The following ANTXR2 variants were observed in gnomAD, a reference collection of about 807,000 sequenced individuals.
The protein encoded by ANTXR2 is ANTXR cell adhesion molecule 2.
ANTXR2 carries 44 observed loss-of-function variants against 73.7 expected under a neutral mutation model. The observed-to-expected ratio is 0.60, with a 90% CI of 0.47 to 0.77. The LOEUF is 0.77. Ranked by LOEUF, ANTXR2 falls within the 30% of genes least tolerant of loss-of-function variation. The pLI is 0.00. For synonymous variants in ANTXR2, 217 were observed against 205.9 expected (o/e 1.05, Z -0.46); for missense variants, 604 against 592.5 (o/e 1.02, Z -0.20).
chr4:80,046,308 T>A (rs371917661), intron 7 of ANTXR2, among the ~76,000 whole-genome samples: 1 of 151,704 alleles, frequency 6.6e-6, no homozygotes, highest in Non-Finnish European at 1.5e-5. Flanking sequence ...TAGAAAAAAT[T>A]CCAAAAATGC....
chr4:79,907,312 G>T lies in ANTXR2; in HGVS notation c.*117C>A. 2 of 1,087,618 alleles carry T rather than the reference G, an allele frequency of 1.8e-6. No homozygotes were observed. The highest frequency in any genetic ancestry group is 1.4e-6 in the Non-Finnish European group (1 of 720,316). The allele number at this position is 1,087,618 out of a possible 1,614,324, so 67.4% of individuals were successfully genotyped here. A position where few individuals can be genotyped will look rare whatever the true frequency, so the allele number is the denominator to read the frequency against. On this transcript the variant is annotated 3_prime_UTR_variant, in exon 17 of 17. Transcript: ENST00000403729. The stretch of plus-strand genomic sequence containing the variant: ...AGAGAAAACATTTCCCGACTGAGAG[G>T]AATTAAGCTGCTCTTCCAAAAGCTT...
rs140557922 is a variant in ANTXR2 at position 80,060,737 on chromosome 4, G to A, written c.297-4724C>T. On this transcript the variant is annotated intron_variant, in intron 3 of 16. Transcript: ENST00000403729. ...GTTTTATCATAGGTATGTATGTATAGAAAAAAATAGTATATATAGGGTTTG... is the reference window on the plus strand; with the variant it reads ...GTTTTATCATAGGTATGTATGTATAAAAAAAAATAGTATATATAGGGTTTG... Among the ~76,000 whole-genome samples the A allele has an allele frequency of 5.8e-3, 876 of 152,202 alleles. 8 individuals carry two copies. The highest frequency in any genetic ancestry group is 0.02 in the African/African-American group (817 of 41,530).
At chr4:79,987,144 T>C (rs62298612) in intron 12 of ANTXR2, among the ~76,000 whole-genome samples, 15,032 of 152,042 alleles carry the variant, frequency 0.099, 1,867 homozygotes, top group East Asian at 0.66. Context: ...ATGAAATGTC[T>C]GAAATGACAG....
intron 3 of ANTXR2, among the ~76,000 whole-genome samples, chr4:80,063,435 T>C (rs969625509): frequency 3.6e-5 from 1 of 27,668 alleles, no homozygotes; most frequent in South Asian, 6.7e-4. Context: ...ATTTCAGCAT[T>C]TTTTTTTATA....
chr4:80,037,614 T>C (rs1005899618), intron 7 of ANTXR2, among the ~76,000 whole-genome samples: 13 of 152,132 alleles, frequency 8.5e-5, no homozygotes, highest in African/African-American at 3.1e-4. Flanking sequence ...TCTGCTACTT[T>C]ATCTACAATA....
chr4:79,990,383 C>CAAAAAAA (rs70944757), intron 12 of ANTXR2, among the ~76,000 whole-genome samples: 3,428 of 76,560 alleles, frequency 0.045, 270 homozygotes, highest in Middle Eastern at 0.071. Flanking sequence ...ACAACAGTTA[C>CAAAAAAA]AAAAAAAAAA....
In ANTXR2 at chr4:80,067,890, T is replaced by G. The variant is rs915625418; in HGVS notation, c.296+1546A>C. On this transcript the variant is annotated intron_variant, in intron 3 of 16. Transcript: ENST00000403729. ...AGCATCAGGATAGATAGCTAATGCATGTGATGGGTTGATAGATGCAGCAAA... is the reference window on the plus strand; with the variant it reads ...AGCATCAGGATAGATAGCTAATGCAGGTGATGGGTTGATAGATGCAGCAAA... 2.6e-5 allele frequency among the ~76,000 whole-genome samples: 4 copies of G among 152,308 alleles called. No homozygotes were observed. The East Asian group carries it at 5.8e-4, about 22-fold the overall frequency.
chr4:79,903,367 TCTCTCA>T lies in ANTXR2; in HGVS notation c.*4056_*4061del, dbSNP rs1166827707. The T allele has an allele frequency of 4.0e-5, 6 of 151,856 alleles. No individual in the cohort carries two copies. Among genetic ancestry groups the T allele is most frequent in the South Asian group, 4.2e-4 (2 of 4,796 alleles). 9.4% of individuals were successfully genotyped at this position (151,856 alleles called of 1,614,324 possible). On this transcript the variant is annotated 3_prime_UTR_variant, in exon 17 of 17. Coordinates refer to ENST00000403729, the MANE Select transcript of ANTXR2 (RefSeq NM_058172.6). ...CCCTCTGTTTCTCTCTCTCTCTCTC[TCTCTCA>T]CACACACACACACAATTTACCTTAA...
chr4:80,018,865 TA>T (rs1291175810), intron 11 of ANTXR2, 32 bp downstream of exon 11: 22 of 1,440,926 alleles, frequency 1.5e-5, no homozygotes, highest in Non-Finnish European at 2.1e-5. Flanking sequence ...GAATTGCTTT[TA>T]AAAGATAATC....
chr4:80,010,212 A>G (rs1731506153), intron 11 of ANTXR2, among the ~76,000 whole-genome samples: 1 of 152,252 alleles, frequency 6.6e-6, no homozygotes. Flanking sequence ...CTAAATATTC[A>G]TGAATAAATC....
Position 79,978,079 on chromosome 4 carries a change from G to A in ANTXR2, c.1275C>T (p.Pro425=), listed in dbSNP as rs748796839. 2 of 1,613,776 alleles carry A rather than the reference G, an allele frequency of 1.2e-6. No individual in the cohort carries two copies. The highest frequency in any genetic ancestry group is 4.5e-5 in the East Asian group (2 of 44,866). ...VVKIPEETEE[P]IRPRPPRPKP... Reference sequence around the variant, plus strand: ...TGGGTCGAGGTGGTCTAGGCCTGATGGGTTCCTCTGTTTCTTCAGGAATCT... The same window carrying A: ...TGGGTCGAGGTGGTCTAGGCCTGATAGGTTCCTCTGTTTCTTCAGGAATCT... The change falls in exon 15 of 17, where the codon CCC becomes CCT. Residue 425 remains proline (P), a synonymous_variant. Coordinates refer to ENST00000403729, the MANE Select transcript of ANTXR2 (RefSeq NM_058172.6).
intron 11 of ANTXR2, among the ~76,000 whole-genome samples, chr4:80,010,765 A>C (rs1731532168): frequency 6.6e-6 from 1 of 152,234 alleles, no homozygotes; most frequent in South Asian, 2.1e-4. Flanking sequence ...CATTAGTAGC[A>C]TCGACAAAAT....
intron 16 of ANTXR2, among the ~76,000 whole-genome samples, chr4:79,926,219 G>A (rs575903879): frequency 6.6e-6 from 1 of 152,034 alleles, no homozygotes; most frequent in East Asian, 1.9e-4. Flanking sequence ...TGGTTCACAT[G>A]TTCTTGTGTA....
At chr4:79,931,993 G>A (rs574583531) in intron 16 of ANTXR2, among the ~76,000 whole-genome samples, 40 of 151,990 alleles carry the variant, frequency 2.6e-4, no homozygotes, top group Admixed American at 3.3e-4. Flanking sequence ...AAAATATGCC[G>A]CCTACAGATA....
intron 16 of ANTXR2, among the ~76,000 whole-genome samples, chr4:79,933,147 C>T (rs1728125680): frequency 6.6e-6 from 1 of 152,120 alleles, no homozygotes; most frequent in Non-Finnish European, 1.5e-5. Flanking sequence ...TATAGTAAAT[C>T]TGCTTGGTAA....
rs1728771036 is a variant in ANTXR2 at position 79,953,223 on chromosome 4, A to T, written c.1428+24398T>A. On this transcript the variant is annotated intron_variant, in intron 16 of 16. Transcript: ENST00000403729. ...GCCTCAGTTTTCACTAACGTACCTGAAGAGATATTAAGACTTTAAAAACCA... is the reference window on the plus strand; with the variant it reads ...GCCTCAGTTTTCACTAACGTACCTGTAGAGATATTAAGACTTTAAAAACCA... Among the ~76,000 whole-genome samples, 3 of 152,314 alleles carry T rather than the reference A, an allele frequency of 2.0e-5. No individual in the cohort carries two copies. The South Asian group carries it at 6.2e-4, about 32-fold the overall frequency.
chr4:80,063,237 G>A (rs1734343219), intron 3 of ANTXR2, among the ~76,000 whole-genome samples: 1 of 152,098 alleles, frequency 6.6e-6, no homozygotes, highest in Non-Finnish European at 1.5e-5. Context: ...AAGAGGGTGA[G>A]TAATTTGTTA....
intron 16 of ANTXR2, among the ~76,000 whole-genome samples, chr4:79,930,285 C>T (rs1213945235): frequency 1.3e-5 from 2 of 152,030 alleles, no homozygotes; most frequent in African/African-American, 4.8e-5. Flanking sequence ...ATTAGGAGAA[C>T]TTATATAAGA....
In ANTXR2 at chr4:80,029,179, G is replaced by A. The variant is rs979372099; in HGVS notation, c.866+2444C>T. On this transcript the variant is annotated intron_variant, in intron 10 of 16. Coordinates refer to ENST00000403729, the MANE Select transcript of ANTXR2 (RefSeq NM_058172.6). ...ATAATTAAAGTGTATCACTAGCCCC[G>A]ATGGTATTCTCTTCTAAAGAAGACT... is the stretch of plus-strand genomic sequence containing the variant. Among the ~76,000 whole-genome samples, 6 of 152,116 alleles carry A rather than the reference G, an allele frequency of 3.9e-5. No homozygotes were observed. In the South Asian group the frequency reaches 6.2e-4, roughly 16 times the overall value.
Sources: gnomAD v4.1 joint callset for allele counts (sites outside exome capture counted in the v4.1 genomes callset) on GRCh38, gnomAD v4.1.1 for gene constraint, MANE v1.5 for transcripts, NCBI Gene and HGNC (gene_info 2026-07-23, HGNC 2026-07-21) for gene names.